The following PGM5 variants were observed in gnomAD, a reference collection of about 807,000 sequenced individuals.
The protein encoded by PGM5 is phosphoglucomutase 5, also known as phosphoglucomutase-like protein 5.
A neutral mutation model predicts 59.2 loss-of-function variants in PGM5; 23 were observed. The observed-to-expected ratio is 0.39, with a 90% CI of 0.28 to 0.55. PGM5 has a LOEUF of 0.55. PGM5 is among the 20% of genes least tolerant of loss of function. PGM5 has a pLI of 0.66. For synonymous variants in PGM5, 214 were observed against 286.0 expected (o/e 0.75, Z 2.54); for missense variants, 574 against 748.3 (o/e 0.77, Z 2.72).
At chr9:68,524,265 A>C (rs1327019596) in intron 10 of PGM5, among the ~76,000 whole-genome samples, 1 of 152,214 alleles carries the variant, frequency 6.6e-6, no homozygotes, top group Non-Finnish European at 1.5e-5. Context: ...CAAAAAATTC[A>C]TGATAAACAT....
intron 10 of PGM5, among the ~76,000 whole-genome samples, chr9:68,509,237 C>T (rs576421287): frequency 8.5e-5 from 13 of 152,302 alleles, no homozygotes; most frequent in Admixed American, 2.6e-4. Context: ...CTCCCAGGAA[C>T]GCTGGCAGGC....
Position 68,466,272 on chromosome 9 carries a change from T to G in PGM5, c.1159+1064T>G, listed in dbSNP as rs12003485. On this transcript the variant is annotated intron_variant, in intron 7 of 10. Transcript: ENST00000396396. ...ATTCTTCTTCTCCGATACTGTGTGT[T>G]TTTTTTTTTTTTTTAGCATTTCTCT... 0.018 allele frequency: 12,753 copies of G among 702,050 alleles called. 633 individuals carry two copies. In the East Asian group the frequency reaches 0.33, roughly 18 times the overall value. 43.5% of individuals were successfully genotyped at this position (702,050 alleles called of 1,614,324 possible).
At chr9:68,481,038 C>T (rs1422467407) in intron 8 of PGM5, among the ~76,000 whole-genome samples, 1 of 152,146 alleles carries the variant, frequency 6.6e-6, no homozygotes, top group African/African-American at 2.4e-5. Context: ...GTATTAAAAG[C>T]AGAAAGATTG....
chr9:68,468,803 G>A (rs868953423), intron 7 of PGM5, among the ~76,000 whole-genome samples: 7 of 152,132 alleles, frequency 4.6e-5, no homozygotes, highest in Non-Finnish European at 7.4e-5. Flanking sequence ...AAGAAACTGG[G>A]TCATATTTCC....
At chr9:68,452,510 G>A (rs1349554265) in intron 6 of PGM5, among the ~76,000 whole-genome samples, 1 of 152,160 alleles carries the variant, frequency 6.6e-6, no homozygotes, top group African/African-American at 2.4e-5. Context: ...GTCTCCCATA[G>A]ACGACTAGAA....
At chr9:68,457,974 G>A (rs940852048) in intron 6 of PGM5, among the ~76,000 whole-genome samples, 23 of 152,162 alleles carry the variant, frequency 1.5e-4, no homozygotes, top group African/African-American at 4.1e-4. Flanking sequence ...CAACTTAGCT[G>A]GAGCACTTGA....
intron 9 of PGM5, among the ~76,000 whole-genome samples, chr9:68,487,483 C>T (rs1361943325): frequency 6.6e-6 from 1 of 151,640 alleles, no homozygotes; most frequent in Non-Finnish European, 1.5e-5. Flanking sequence ...CACACACACA[C>T]ACACACACAC....
chr9:68,459,104 C>T (rs1303837337), intron 6 of PGM5, among the ~76,000 whole-genome samples: 1 of 152,124 alleles, frequency 6.6e-6, no homozygotes, highest in Non-Finnish European at 1.5e-5. Context: ...TATTAAACTC[C>T]ATCTTCAGTA....
Position 68,426,898 on chromosome 9 carries a change from G to A in PGM5, c.1043+34425G>A, listed in dbSNP as rs1330063063. 4 of 152,168 alleles carry A rather than the reference G, an allele frequency of 2.6e-5. No individual in the cohort carries two copies. In the East Asian group the frequency reaches 7.7e-4, roughly 29 times the overall value. 9.4% of individuals were successfully genotyped at this position (152,168 alleles called of 1,614,324 possible). A position where few individuals can be genotyped will look rare whatever the true frequency, so the allele number is the denominator to read the frequency against. On this transcript the variant is annotated intron_variant, in intron 6 of 10. Transcript: ENST00000396396. ...TCCCCTAGACTGCAAGGCCCTTCAG[G>A]ACAAGATTGTGCCTTAATCATGTTG...
At chr9:68,375,416 C>T (rs1821853994) in intron 1 of PGM5, among the ~76,000 whole-genome samples, 1 of 152,200 alleles carries the variant, frequency 6.6e-6, no homozygotes. Flanking sequence ...GTATCTCAAA[C>T]CAAATGACTA....
intron 6 of PGM5, among the ~76,000 whole-genome samples, chr9:68,450,696 T>C (rs1179069881): frequency 6.6e-6 from 1 of 152,244 alleles, no homozygotes; most frequent in Non-Finnish European, 1.5e-5. Flanking sequence ...TTCATCCAGC[T>C]AGAAAATATG....
At chr9:68,402,644 T>C (rs1822701868) in intron 6 of PGM5, among the ~76,000 whole-genome samples, 1 of 152,322 alleles carries the variant, frequency 6.6e-6, no homozygotes, top group Middle Eastern at 3.4e-3. Context: ...TTATTGGTGA[T>C]ATAAAAGATA....
intron 6 of PGM5, chr9:68,393,886 A>G (rs1822428699): frequency 6.6e-6 from 1 of 152,182 alleles, no homozygotes; most frequent in Non-Finnish European, 1.5e-5. Flanking sequence ...GGAGATTGCA[A>G]AAATAAATTG....
intron 6 of PGM5, among the ~76,000 whole-genome samples, chr9:68,429,824 C>T (rs889667918): frequency 2.6e-5 from 4 of 152,170 alleles, no homozygotes; most frequent in Non-Finnish European, 4.4e-5. Context: ...TCCACTGATG[C>T]GATTTACAAC....
chr9:68,479,939 AAAGG>A (rs1824168528), intron 8 of PGM5, among the ~76,000 whole-genome samples: 1 of 151,886 alleles, frequency 6.6e-6, no homozygotes. Context: ...AAAAAAAAAA[AAAGG>A]AGGCATCTTC....
intron 6 of PGM5, among the ~76,000 whole-genome samples, chr9:68,440,350 C>G (rs1162569137): frequency 1.3e-5 from 2 of 152,116 alleles, no homozygotes; most frequent in Non-Finnish European, 1.5e-5. Context: ...AACAAACTAA[C>G]TAAATGTAAA....
intron 1 of PGM5, among the ~76,000 whole-genome samples, chr9:68,364,556 A>G (rs1302530142): frequency 6.6e-6 from 1 of 152,206 alleles, no homozygotes. Flanking sequence ...TATGATCCAG[A>G]CATTAGGGAG....
chr9:68,415,809 A>G (rs532292239), intron 6 of PGM5, among the ~76,000 whole-genome samples: 874 of 125,338 alleles, frequency 7.0e-3, no homozygotes, highest in Admixed American at 9.2e-3. Context: ...CTATCTATCT[A>G]TCTATCTTAT....
chr9:68,432,985 T>C (rs1016014971), intron 6 of PGM5, among the ~76,000 whole-genome samples: 1 of 152,176 alleles, frequency 6.6e-6, no homozygotes, highest in African/African-American at 2.4e-5. Flanking sequence ...AATTCCCCTA[T>C]TGTTCAATAT....
Sources: allele counts gnomAD v4.1 joint callset (sites outside exome capture counted in the v4.1 genomes callset), GRCh38; gene constraint gnomAD v4.1.1; transcripts MANE v1.5; gene names NCBI Gene and HGNC (gene_info 2026-07-23, HGNC 2026-07-21).